The following NCAPG2 variants were observed in gnomAD, a reference collection of about 807,000 sequenced individuals.
NCAPG2 encodes the protein condensin-2 complex subunit G2.
A neutral mutation model predicts 141.1 loss-of-function variants in NCAPG2; 53 were observed. The ratio of observed to expected loss-of-function variants is 0.38; its 90% CI spans 0.30 to 0.47. The LOEUF (loss-of-function observed/expected upper bound fraction) is 0.47, where lower values mean the gene tolerates loss of function less well. Among genes scored for constraint, NCAPG2 ranks in the 20% least tolerant of loss-of-function variants. The pLI, the probability that NCAPG2 is intolerant of heterozygous loss-of-function variation, is 0.99. For missense variants in NCAPG2, 1,087 were observed against 1,389.0 expected, an observed-to-expected ratio of 0.78 and a Z score of 3.46; for synonymous variants, 499 against 490.7, an observed-to-expected ratio of 1.02 and a Z score of -0.22.
chr7:158,687,541 T>C (rs1834847919), intron 6 of NCAPG2, 99 bp from the exon 7 acceptor site: 4 of 856,686 alleles, frequency 4.7e-6, no homozygotes, highest in Admixed American at 5.4e-5. Context: ...AACATTGCTA[T>C]TGCTAAAAAC....
At chr7:158,703,999 G>T (rs1835978065) in intron 1 of NCAPG2, among the ~76,000 whole-genome samples, 1 of 152,010 alleles carries the variant, frequency 6.6e-6, no homozygotes, top group African/African-American at 2.4e-5. Flanking sequence ...GGACAGAGGG[G>T]GTCGCTCTCT....
intron 19 of NCAPG2, 148 bp downstream of exon 19, chr7:158,656,112 T>C: frequency 9.3e-7 from 1 of 1,076,000 alleles, no homozygotes; most frequent in Non-Finnish European, 1.3e-6. Flanking sequence ...CTCCATGCCT[T>C]GTACCAACTG....
Position 158,656,392 on chromosome 7 carries a change from T to G in NCAPG2, c.2256A>C (p.Thr752=). The G allele has an allele frequency of 6.2e-7, 1 of 1,614,166 alleles. No homozygotes were observed. The highest frequency in any genetic ancestry group is 8.5e-7 in the Non-Finnish European group (1 of 1,180,044). ...ATGCCAATTCAGGTTTGACTGGGCG[T>G]GTGTCATGGATCTGCACCCTACCTT... ...ASKGRVQIHD[T]RPVKPELALV... Residue 752 remains threonine, a synonymous_variant, in exon 19 of 28, where the codon ACA becomes ACC. Coordinates refer to ENST00000356309, the MANE Select transcript of NCAPG2 (RefSeq NM_017760.7).
intron 2 of NCAPG2, among the ~76,000 whole-genome samples, chr7:158,697,244 A>C (rs1199710664): frequency 6.6e-6 from 1 of 152,212 alleles, no homozygotes; most frequent in Non-Finnish European, 1.5e-5. Context: ...GATGATCCTG[A>C]CTTGGTACAG....
At chr7:158,669,364 T>A (rs1272655243) in intron 13 of NCAPG2, among the ~76,000 whole-genome samples, 1 of 152,188 alleles carries the variant, frequency 6.6e-6, no homozygotes, top group African/African-American at 2.4e-5. Context: ...CCACAATGGT[T>A]GAACTAATTT....
At chr7:158,667,762 T>A (rs1216756035) in intron 13 of NCAPG2, among the ~76,000 whole-genome samples, 1 of 75,916 alleles carries the variant, frequency 1.3e-5, no homozygotes, top group Admixed American at 1.4e-4. Flanking sequence ...CCTTACCCAC[T>A]ACTGGGTCCC....
At chr7:158,695,042 G>GA (rs369908321) in intron 2 of NCAPG2, among the ~76,000 whole-genome samples, 98 of 152,270 alleles carry the variant, frequency 6.4e-4, no homozygotes, top group African/African-American at 2.2e-3. Context: ...CAATTATGCA[G>GA]AAAAAATAAG....
chr7:158,648,984 A>G (rs1831280800), intron 24 of NCAPG2, among the ~76,000 whole-genome samples: 1 of 152,266 alleles, frequency 6.6e-6, no homozygotes, highest in South Asian at 2.1e-4. Flanking sequence ...GACTACAACC[A>G]CGGCAAAGAA....
At chr7:158,663,285 G>C (rs1001527781) in intron 15 of NCAPG2, among the ~76,000 whole-genome samples, 1 of 152,242 alleles carries the variant, frequency 6.6e-6, no homozygotes, top group Non-Finnish European at 1.5e-5. Context: ...TGGCAGTGAG[G>C]GTGTAGTGAG....
rs1432644371 is a variant in NCAPG2 at position 158,664,604 on chromosome 7, G to A, written c.1626C>T (p.Thr542=). ...PEEVWCERCV[T]LVQMNHAAAR... ...CAGCGGCGTGGTTCATCTGCACCAG[G>A]GTGACACAGCGCTCGCACCAGACCT... is the stretch of plus-strand genomic sequence containing the variant. Residue 542 remains threonine, a synonymous_variant, in exon 14 of 28, where the codon ACC becomes ACT. Coordinates refer to ENST00000356309, the MANE Select transcript of NCAPG2 (RefSeq NM_017760.7). 1 of 1,614,080 alleles carries A rather than the reference G, an allele frequency of 6.2e-7. No individual in the cohort carries two copies. Among genetic ancestry groups the A allele is most frequent in the South Asian group, 1.1e-5 (1 of 91,074 alleles).
chr7:158,693,262 C>T, intron 3 of NCAPG2, 47 bp downstream of exon 3: 1 of 1,554,608 alleles, frequency 6.4e-7, no homozygotes, highest in Non-Finnish European at 8.7e-7. Context: ...TATTTTTTGA[C>T]AAAAAAAAGA....
intron 9 of NCAPG2, among the ~76,000 whole-genome samples, chr7:158,681,242 T>A (rs551754368): frequency 1.6e-3 from 248 of 152,364 alleles, no homozygotes; most frequent in Middle Eastern, 3.4e-3. Context: ...ATGTGGTAAC[T>A]GTTTCATAAC....
intron 8 of NCAPG2, among the ~76,000 whole-genome samples, chr7:158,685,160 T>C (rs1412138749): frequency 1.3e-5 from 2 of 152,180 alleles, no homozygotes; most frequent in Non-Finnish European, 2.9e-5. Flanking sequence ...CACTTTTTTG[T>C]CCAAAAGGGT....
intron 2 of NCAPG2, among the ~76,000 whole-genome samples, chr7:158,695,663 C>T (rs1485052299): frequency 1.3e-5 from 2 of 152,262 alleles, no homozygotes; most frequent in East Asian, 3.8e-4. Context: ...AATGTTCTAC[C>T]TCTCCCCAGC....
chr7:158,683,914 C>T (rs1341228867), intron 8 of NCAPG2, among the ~76,000 whole-genome samples: 1 of 152,202 alleles, frequency 6.6e-6, no homozygotes, highest in Admixed American at 6.5e-5. Flanking sequence ...ACTAATGGTA[C>T]TCAGAGTGCA....
intron 12 of NCAPG2, 83 bp downstream of exon 12, chr7:158,675,394 A>G: frequency 7.7e-7 from 1 of 1,295,820 alleles, no homozygotes; most frequent in Non-Finnish European, 1.0e-6. Context: ...GATTACAGGT[A>G]TTATTTTAAT....
At chr7:158,656,855 T>A in intron 17 of NCAPG2, 150 bp from the exon 18 acceptor site, 1 of 961,838 alleles carries the variant, frequency 1.0e-6, no homozygotes, top group Non-Finnish European at 1.5e-6. Flanking sequence ...AATGCAGGAA[T>A]AAATACAGTT....
chr7:158,703,005 G>A (rs530038178), intron 1 of NCAPG2, among the ~76,000 whole-genome samples: 1 of 152,280 alleles, frequency 6.6e-6, no homozygotes, highest in Non-Finnish European at 1.5e-5. Flanking sequence ...TATGTTTAGC[G>A]ATGCAAATAC....
At chr7:158,686,295 AAC>A in intron 7 of NCAPG2, 54 bp from the exon 8 acceptor site, 1 of 1,071,702 alleles carries the variant, frequency 9.3e-7, no homozygotes, top group South Asian at 1.6e-5. Flanking sequence ...TTATTCTTTC[AAC>A]ATGTATCATT....
Sources: allele counts gnomAD v4.1 joint callset (sites outside exome capture counted in the v4.1 genomes callset), GRCh38; gene constraint gnomAD v4.1.1; transcripts MANE v1.5; gene names NCBI Gene and HGNC (gene_info 2026-07-23, HGNC 2026-07-21).